Variants in THOC5 observed in about 807,000 individuals in gnomAD.
The protein encoded by THOC5 is THO complex subunit 5.
In THOC5, 43 loss-of-function variants were observed where a neutral mutation model predicts 92.9. The ratio of observed to expected loss-of-function variants is 0.46; its 90% confidence interval spans 0.36 to 0.60. The LOEUF (loss-of-function observed/expected upper bound fraction) is 0.60, where lower values mean the gene tolerates loss of function less well. Ranked by LOEUF, THOC5 falls within the 20% of genes least tolerant of loss-of-function variation. The probability of loss-of-function intolerance (pLI) is 0.00; values close to 1 mark genes in which losing one functional copy is unlikely to be tolerated. For synonymous variants in THOC5, 296 were observed against 320.1 expected, an observed-to-expected ratio of 0.92 and a Z score of 0.80; for missense variants, 659 against 849.4, an observed-to-expected ratio of 0.78 and a Z score of 2.79.
At position 29,529,220 on chromosome 22, in the gene THOC5, T is replaced by C. The variant is rs1437064716; in HGVS notation, c.867A>G (p.Ala289=). 1.2e-6 allele frequency: 2 copies of C among 1,614,066 alleles called. No homozygotes were observed. The highest frequency in any genetic ancestry group is 1.7e-6 in the Non-Finnish European group (2 of 1,180,032). ...GQACDKTLSV[A]IEGSVDEAKA... Reference sequence around the variant, plus strand: ...TGGCTTCATCCACACTGCCTTCGATTGCCACAGATAACGTCTTATCTGGGG... The same window carrying C: ...TGGCTTCATCCACACTGCCTTCGATCGCCACAGATAACGTCTTATCTGGGG... Residue 289 remains alanine, a synonymous_variant, in exon 9 of 20, where the codon GCA becomes GCG. Transcript: ENST00000490103.
At chr22:29,522,126 G>A (rs561198060) in intron 12 of THOC5, among the ~76,000 whole-genome samples, 3 of 151,474 alleles carry the variant, frequency 2.0e-5, no homozygotes, top group Admixed American at 6.6e-5. Context: ...CGAGACGGGC[G>A]GATCATGAGG....
chr22:29,544,347 C>T (rs977607376), intron 3 of THOC5, 113 bp downstream of exon 3: 21 of 1,187,934 alleles, frequency 1.8e-5, no homozygotes, highest in South Asian at 1.7e-4. Context: ...GCTCCAATCA[C>T]CTGATCATGG....
chr22:29,544,546 A>G lies in THOC5; in HGVS notation c.154T>C (p.Tyr52His), dbSNP rs756687525. 5 of 1,613,996 alleles carry G rather than the reference A, an allele frequency of 3.1e-6. No individual in the cohort carries two copies. Among genetic ancestry groups the G allele is most frequent in the Non-Finnish European group, 3.4e-6 (4 of 1,179,948 alleles). Residue 52 changes from tyrosine (Y) to histidine (H), a missense_variant, in exon 3 of 20, where the codon TAT becomes CAT. Physicochemically the swap from Tyr to His is moderately conservative, Grantham distance 83. Transcript: ENST00000490103. The part of the protein sequence containing the change: ...EVDLRDPGRD[Y>H]ELYKYTCQEL... The stretch of plus-strand genomic sequence containing the variant: ...TGGCAGGTGTACTTGTATAACTCAT[A>G]GTCTCTGCCAGGGTCCCGCAGATCC...
intron 7 of THOC5, among the ~76,000 whole-genome samples, chr22:29,533,981 T>C (rs1047903947): frequency 2.0e-5 from 3 of 152,198 alleles, no homozygotes; most frequent in African/African-American, 7.2e-5. Context: ...AGAATTTCAT[T>C]CCTGGGTATA....
chr22:29,520,720 T>C (rs2063424211), intron 13 of THOC5, among the ~76,000 whole-genome samples: 1 of 152,184 alleles, frequency 6.6e-6, no homozygotes, highest in South Asian at 2.1e-4. Flanking sequence ...GGTATCGAAC[T>C]CCTGAGCTCA....
chr22:29,545,403 A>G (rs372011834), intron 2 of THOC5, among the ~76,000 whole-genome samples: 33 of 152,286 alleles, frequency 2.2e-4, no homozygotes, highest in African/African-American at 7.5e-4. Context: ...ACAGTCGCCC[A>G]AAGTCTTAAC....
intron 17 of THOC5, among the ~76,000 whole-genome samples, chr22:29,513,684 G>A (rs1052870382): frequency 2.6e-5 from 4 of 151,554 alleles, no homozygotes; most frequent in East Asian, 2.0e-4. Flanking sequence ...GCAAGACTCC[G>A]TCTCAAAATA....
intron 12 of THOC5, among the ~76,000 whole-genome samples, chr22:29,525,054 C>T (rs2063516950): frequency 6.6e-6 from 1 of 152,110 alleles, no homozygotes; most frequent in African/African-American, 2.4e-5. Flanking sequence ...GGGAGGAGTG[C>T]TTGAGGCCAG....
At chr22:29,550,662 G>C (rs887843755) in intron 1 of THOC5, 21 of 152,106 alleles carry the variant, frequency 1.4e-4, no homozygotes, top group Non-Finnish European at 2.6e-4. Flanking sequence ...TGAGTCCCCG[G>C]ACGAGTCACT....
chr22:29,526,071 A>T, intron 11 of THOC5, 125 bp from the exon 12 acceptor site: 1 of 650,414 alleles, frequency 1.5e-6, no homozygotes, highest in Middle Eastern at 3.4e-4. Flanking sequence ...TATTATGCCC[A>T]CTACCTAGGT....
chr22:29,511,465 A>G, intron 18 of THOC5, 169 bp from the exon 19 acceptor site: 1 of 633,870 alleles, frequency 1.6e-6, no homozygotes, highest in Non-Finnish European at 2.7e-6. Context: ...AGGCCCCCTC[A>G]TCAAGACAAT....
chr22:29,541,082 T>C (rs1471115145), intron 5 of THOC5, among the ~76,000 whole-genome samples: 1 of 151,772 alleles, frequency 6.6e-6, no homozygotes, highest in Non-Finnish European at 1.5e-5. Flanking sequence ...CTGGGTGTGG[T>C]GGCTCATGCA....
intron 17 of THOC5, among the ~76,000 whole-genome samples, chr22:29,514,315 ATT>A (rs1179250004): frequency 4.6e-4 from 64 of 137,742 alleles, no homozygotes; most frequent in African/African-American, 1.0e-3. Context: ...TGACTGAAGA[ATT>A]TTTTTTTTTT....
In THOC5 at chr22:29,531,948, G is replaced by A. The variant is rs780729690; in HGVS notation, c.730C>T (p.Gln244Ter). 1 of 1,614,124 alleles carries A rather than the reference G, an allele frequency of 6.2e-7. No individual in the cohort carries two copies. Among genetic ancestry groups the A allele is most frequent in the Non-Finnish European group, 8.5e-7 (1 of 1,180,016 alleles). Residue 244 changes from glutamine (Q) to a stop codon, truncating the protein, a stop_gained, in exon 8 of 20, where the codon CAG (glutamine) becomes TAG (stop). Transcript: ENST00000490103. LOFTEE classifies it high-confidence loss of function. The part of the protein sequence containing the change: ...NSIMQASLPV[Q>*]EYLFMPFDQA... ...TCGAATGGCATAAACAGGTACTCCT[G>A]CACCGGAAGGGAAGCCTGCACACAA...
At chr22:29,511,931 G>T in intron 18 of THOC5, 90 bp downstream of exon 18, 1 of 1,057,750 alleles carries the variant, frequency 9.5e-7, no homozygotes, top group Non-Finnish European at 1.4e-6. Context: ...TTAAGGCAGT[G>T]CCCAAGTCCT....
rs776783828 is a variant in THOC5, at chr22:29,525,899, T to C, written c.1114A>G (p.Ile372Val). Residue 372 changes from isoleucine (I) to valine (V), a missense_variant, in exon 12 of 20, where the codon ATC becomes GTC. Transcript: ENST00000490103. Reference protein sequence around the residue: ...LTFYYLMNLNIMTVKAKVTTA... With the variant: ...LTFYYLMNLNVMTVKAKVTTA... ...GTCACTTTGGCTTTTACTGTCATGA[T>C]GTTGAGGTTCATGAGGTAGTAGAAA... 4 of 1,613,952 alleles carry C rather than the reference T, an allele frequency of 2.5e-6. No homozygotes were observed. Among genetic ancestry groups the C allele is most frequent in the Non-Finnish European group, 3.4e-6 (4 of 1,179,938 alleles).
Position 29,544,567 on chromosome 22 carries a change from G to C in THOC5, c.133C>G (p.Leu45Val), listed in dbSNP as rs61740613. The C allele has an allele frequency of 5.0e-3, 8,062 of 1,613,570 alleles. 71 individuals carry two copies. Among genetic ancestry groups the C allele is most frequent in the Middle Eastern group, 0.049 (297 of 6,046 alleles). Residue 45 changes from leucine to valine, a missense_variant, in exon 3 of 20, where the codon CTG becomes GTG. Leu to Val is a conservative substitution (Grantham distance 32). Coordinates refer to ENST00000490103, the MANE Select transcript of THOC5 (RefSeq NM_003678.5). ...TCATAGTCTCTGCCAGGGTCCCGCAGATCCACCTCGGCCTCCTCACTGTAG... is the reference window on the plus strand; with the variant it reads ...TCATAGTCTCTGCCAGGGTCCCGCACATCCACCTCGGCCTCCTCACTGTAG... ...KYYSEEAEVD[L>V]RDPGRDYELY...
Position 29,527,001 on chromosome 22 carries a change from A to G in THOC5, c.1067-1055T>C, listed in dbSNP as rs560297918. On this transcript the variant is annotated intron_variant, in intron 11 of 19. Transcript: ENST00000490103. ...TCATTTTGTTAACAGTATTGGGCCA[A>G]TGAAATTAAGAGTGGTGTGGATCGC... 9.2e-5 allele frequency among the ~76,000 whole-genome samples: 14 copies of G among 152,346 alleles called. No individual in the cohort carries two copies. The South Asian group carries it at 2.5e-3, about 27-fold the overall frequency.
chr22:29,512,621 A>T (rs1485396947), intron 17 of THOC5, among the ~76,000 whole-genome samples: 1 of 152,230 alleles, frequency 6.6e-6, no homozygotes, highest in African/African-American at 2.4e-5. Context: ...ACATGTAGAG[A>T]GTCCTTACTG....
Sources: gnomAD v4.1 joint callset for allele counts (sites outside exome capture counted in the v4.1 genomes callset) on GRCh38, gnomAD v4.1.1 for gene constraint, MANE v1.5 for transcripts, NCBI Gene and HGNC (gene_info 2026-07-23, HGNC 2026-07-21) for gene names.